Variants in WDR74 observed in about 807,000 individuals in gnomAD.
WDR74 encodes the protein WD repeat domain 74.
In WDR74, 31 loss-of-function variants were observed where a neutral mutation model predicts 45.6. That is an observed-to-expected ratio of 0.68 (90% CI 0.51 to 0.92). The LOEUF is 0.92. Among genes scored for constraint, WDR74 ranks in the 40% least tolerant of loss-of-function variants. The pLI, the probability that WDR74 is intolerant of heterozygous loss-of-function variation, is 0.00. For synonymous variants in WDR74, 191 were observed against 192.4 expected (o/e 0.99, Z 0.06); for missense variants, 455 against 497.2 (o/e 0.92, Z 0.81).
At chr11:62,834,040 A>G in intron 8 of WDR74, 103 bp from the exon 9 acceptor site, 1 of 1,521,672 alleles carries the variant, frequency 6.6e-7, no homozygotes, top group East Asian at 2.3e-5. Context: ...AATCTGCAAC[A>G]AAACCCTGAG....
intron 2 of WDR74, 33 bp from the exon 3 acceptor site, chr11:62,839,268 G>T (rs756271271): frequency 1.2e-6 from 2 of 1,612,288 alleles, no homozygotes; most frequent in South Asian, 2.2e-5. Flanking sequence ...GGCGAGGAGA[G>T]CGAGGCTGCT....
rs112966057 is a variant in WDR74 at position 62,838,760 on chromosome 11, C to CAA, written c.293+352_293+353dup. Among the ~76,000 whole-genome samples the CAA allele has an allele frequency of 1.9e-3, 193 of 99,608 alleles. 2 individuals are homozygous for CAA. The highest frequency in any genetic ancestry group is 5.2e-3 in the African/African-American group (162 of 31,116). The allele number at this position is 99,608 out of a possible 152,430, so 65.3% of individuals were successfully genotyped here. Reference sequence around the variant, plus strand: ...GCAACAAGAGCGAAAACTCCGTCTCCAAAAAAAAAAAAAACAAAAAACAAA... The same window carrying CAA: ...GCAACAAGAGCGAAAACTCCGTCTCCAAAAAAAAAAAAAAAACAAAAAACAAA... On this transcript the variant is annotated intron_variant, in intron 3 of 10. Coordinates refer to ENST00000278856, the MANE Select transcript of WDR74 (RefSeq NM_001369450.1).
intron 5 of WDR74, 25 bp from the exon 6 acceptor site, chr11:62,835,557 C>T (rs2134885515): frequency 6.2e-7 from 1 of 1,613,710 alleles, no homozygotes; most frequent in Non-Finnish European, 8.5e-7. Context: ...AGATGGAGGA[C>T]AGGGCTATGG....
intron 3 of WDR74, chr11:62,836,265 C>T: frequency 2.0e-6 from 1 of 497,070 alleles, no homozygotes; most frequent in Non-Finnish European, 3.6e-6. Context: ...TTCCAGCTTC[C>T]TAATCTGTTA....
intron 3 of WDR74, 23 bp downstream of exon 3, chr11:62,839,090 GT>G (rs989657300): frequency 6.2e-7 from 1 of 1,612,178 alleles, no homozygotes; most frequent in African/African-American, 1.3e-5. Flanking sequence ...TCGGCCCTGA[GT>G]TTAGCGAGGG....
chr11:62,833,317 A>G (rs1001810752), intron 10 of WDR74, among the ~76,000 whole-genome samples, 186 bp from the exon 11 acceptor site: 6 of 150,252 alleles, frequency 4.0e-5, no homozygotes, highest in Admixed American at 6.6e-5. Flanking sequence ...AAAAAAAAAA[A>G]AAAAAAGAAA....
chr11:62,833,776 G>A lies in WDR74; in HGVS notation c.921+16C>T, dbSNP rs747950309. On this transcript the variant is annotated intron_variant, in intron 9 of 10. Coordinates refer to ENST00000278856, the MANE Select transcript of WDR74 (RefSeq NM_001369450.1). ...CTCCACAAGACCATGAGTTGGAGGT[G>A]GGAGAGACAACTTACCTTATGCTCC... 23 of 1,612,116 alleles carry A rather than the reference G, an allele frequency of 1.4e-5. No homozygotes were observed. The South Asian group carries it at 2.2e-4, about 15-fold the overall frequency.
chr11:62,838,162 G>T (rs1052695490), intron 3 of WDR74, among the ~76,000 whole-genome samples: 39 of 151,706 alleles, frequency 2.6e-4, no homozygotes, highest in African/African-American at 8.9e-4. Context: ...TTTTTTTGTT[G>T]TTTTTTTTGA....
chr11:62,836,070 G>C (rs1399357365), intron 3 of WDR74, 34 bp from the exon 4 acceptor site: 8 of 1,550,794 alleles, frequency 5.2e-6, no homozygotes, highest in Non-Finnish European at 7.0e-6. Flanking sequence ...GATTTTTTAA[G>C]TGCTTAAACT....
rs1233972441 is a variant in WDR74, at chr11:62,833,828, T to A, written c.885A>T (p.Ile295=). The A allele has an allele frequency of 6.2e-7, 1 of 1,613,948 alleles. No individual in the cohort carries two copies. The change falls in exon 9 of 11, where the codon ATA becomes ATT. Residue 295 remains isoleucine (I), a synonymous_variant. Coordinates refer to ENST00000278856, the MANE Select transcript of WDR74 (RefSeq NM_001369450.1). ...ASCGLDRVLR[I]HRIQNPRGLE... ...GACCCCGTGGATTCTGGATCCTGTGTATCCTCAAGACTCTGTCCAAGCCAC... is the reference window on the plus strand; with the variant it reads ...GACCCCGTGGATTCTGGATCCTGTGAATCCTCAAGACTCTGTCCAAGCCAC...
chr11:62,840,706 C>T (rs1313864978), upstream of WDR74, among the ~76,000 whole-genome samples: 1 of 152,168 alleles, frequency 6.6e-6, no homozygotes, highest in Non-Finnish European at 1.5e-5. Context: ...GAATCTTGCT[C>T]TGTCTCTCAG....
At chr11:62,836,593 T>G (rs2084963496) in intron 3 of WDR74, 1 of 159,298 alleles carries the variant, frequency 6.3e-6, no homozygotes, top group Non-Finnish European at 1.4e-5. Flanking sequence ...TCCAAGCAAG[T>G]CTCTCCCCAG....
At chr11:62,834,398 C>A in intron 7 of WDR74, 29 bp downstream of exon 7, 1 of 1,586,142 alleles carries the variant, frequency 6.3e-7, no homozygotes, top group East Asian at 2.3e-5. Flanking sequence ...AAGCCCCACC[C>A]TCCCACCCCT....
rs555031906 is a variant in WDR74 at position 62,837,059 on chromosome 11, G to C, written c.294-1023C>G. Reference sequence around the variant, plus strand: ...CCACTGCACTTCAGCCTCAGTGACAGAGCAAGACTCCGTCTCTCAGAAAAA... The same window carrying C: ...CCACTGCACTTCAGCCTCAGTGACACAGCAAGACTCCGTCTCTCAGAAAAA... On this transcript the variant is annotated intron_variant, in intron 3 of 10. Coordinates refer to ENST00000278856, the MANE Select transcript of WDR74 (RefSeq NM_001369450.1). Among the ~76,000 whole-genome samples, 4 of 152,278 alleles carry C rather than the reference G, an allele frequency of 2.6e-5. No homozygotes were observed. The East Asian group carries it at 5.8e-4, about 22-fold the overall frequency.
At chr11:62,833,296 TAAAAAAAAAAAAAAAAAA>T in intron 10 of WDR74, among the ~76,000 whole-genome samples, 165 bp from the exon 11 acceptor site, 1 of 50,886 alleles carries the variant, frequency 2.0e-5, no homozygotes, top group African/African-American at 7.1e-5. Flanking sequence ...AAAAGAAGTT[TAAAAAAAAAAAAAAAAAA>T]AAAAAAAAAG....
At chr11:62,835,395 A>G (rs752786779) in intron 6 of WDR74, 36 bp downstream of exon 6, 2 of 1,593,190 alleles carry the variant, frequency 1.3e-6, no homozygotes, top group African/African-American at 2.7e-5. Context: ...AGGCTGCTTT[A>G]TCCCAGGAGA....
chr11:62,837,665 A>C (rs954611853), intron 3 of WDR74, among the ~76,000 whole-genome samples: 1 of 151,916 alleles, frequency 6.6e-6, no homozygotes, highest in Non-Finnish European at 1.5e-5. Context: ...CACCAGTCAA[A>C]ATTCTACCCA....
chr11:62,834,312 T>TG lies in WDR74; in HGVS notation c.738dup (p.Thr247HisfsTer9), dbSNP rs776956874. 1.9e-6 allele frequency: 3 copies of TG among 1,613,816 alleles called. No homozygotes were observed. Reference sequence around the variant, plus strand: ...TCAATTTCTGCCAGCTGCCCATGAGTGTTTCCCACAATCACTGAGCTGAGG... The same window carrying TG: ...TCAATTTCTGCCAGCTGCCCATGAGTGGTTTCCCACAATCACTGAGCTGAGG... On this transcript the variant is annotated frameshift_variant, in exon 8 of 11. Coordinates refer to ENST00000278856, the MANE Select transcript of WDR74 (RefSeq NM_001369450.1). LOFTEE classifies it high-confidence loss of function.
chr11:62,839,022 TA>T, intron 3 of WDR74, 91 bp downstream of exon 3: 3 of 1,560,156 alleles, frequency 1.9e-6, no homozygotes, highest in Non-Finnish European at 2.6e-6. Context: ...GCCGTGTCAC[TA>T]AGAGTTTGCC....
Sources: gnomAD v4.1 joint callset for allele counts (sites outside exome capture counted in the v4.1 genomes callset) on GRCh38, gnomAD v4.1.1 for gene constraint, MANE v1.5 for transcripts, NCBI Gene and HGNC (gene_info 2026-07-23, HGNC 2026-07-21) for gene names.